Variants in TNRC6C observed in about 807,000 individuals in gnomAD.
TNRC6C encodes the protein trinucleotide repeat containing adaptor 6C.
A neutral mutation model predicts 153.7 loss-of-function variants in TNRC6C; 20 were observed. The ratio of observed to expected loss-of-function variants is 0.13; its 90% CI spans 0.09 to 0.19. The LOEUF (loss-of-function observed/expected upper bound fraction) is 0.19, where lower values mean the gene tolerates loss of function less well. TNRC6C is among the 10% of genes least tolerant of loss of function. The pLI, the probability that TNRC6C is intolerant of heterozygous loss-of-function variation, is 1.00. For missense variants in TNRC6C, 1,987 were observed against 2,172.0 expected (o/e 0.91, Z 1.69); for synonymous variants, 811 against 841.4 (o/e 0.96, Z 0.63).
intron 2 of TNRC6C, among the ~76,000 whole-genome samples, chr17:78,042,666 T>C (rs947963109): frequency 6.6e-5 from 10 of 151,774 alleles, no homozygotes; most frequent in African/African-American, 2.4e-4. Context: ...GTGATGGTGG[T>C]GATGATGATG....
rs528067063 is a variant in TNRC6C at position 78,059,569 on chromosome 17, C to T, written c.2396-5153C>T. ...GACAGTTGAAAATACAGTGTGAGGC[C>T]GGACACAGTGGCTCACGCCTGTAAT... On this transcript the variant is annotated intron_variant, in intron 3 of 19. Coordinates refer to ENST00000301624, the Ensembl canonical transcript of TNRC6C. Among the ~76,000 whole-genome samples the T allele has an allele frequency of 5.4e-4, 82 of 152,238 alleles. 1 individual carries two copies. Among genetic ancestry groups the T allele is most frequent in the African/African-American group, 1.8e-3 (76 of 41,548 alleles).
At position 78,049,149 on chromosome 17, in the gene TNRC6C, A is replaced by G; in HGVS notation, c.87A>G (p.Gln29=). 2 of 1,610,880 alleles carry G rather than the reference A, an allele frequency of 1.2e-6. No homozygotes were observed. Among genetic ancestry groups the G allele is most frequent in the South Asian group, 2.2e-5 (2 of 90,500 alleles). ...ATGGCACCAATGGCGCACTCGTCCA[A>G]AGCCCTTCTAATCAGAGTGCCCTTG... Residue 29 remains glutamine, a synonymous_variant, in exon 3 of 20, where the codon CAA becomes CAG. Transcript: ENST00000301624. The surrounding 1 kb of genome is among the most constrained non-coding windows in gnomAD (Gnocchi z 4.1).
rs186895737 is a variant in TNRC6C at position 78,102,762 on chromosome 17, T to C, written c.4572+218T>C. ...GGGCCTCTTTTAACCATGTTCCTGG[T>C]GAATTGTTTGTTTCCCCACCAGAGG... On this transcript the variant is annotated intron_variant, in intron 18 of 19. Coordinates refer to ENST00000301624, the Ensembl canonical transcript of TNRC6C. The C allele has an allele frequency of 2.8e-4, 147 of 524,000 alleles. No individual in the cohort carries two copies. The African/African-American group carries it at 2.8e-3, about 10-fold the overall frequency. 32.5% of individuals were successfully genotyped at this position (524,000 alleles called of 1,614,324 possible).
intron 17 of TNRC6C, among the ~76,000 whole-genome samples, chr17:78,100,161 G>T (rs908013980): frequency 5.9e-5 from 9 of 152,324 alleles, no homozygotes; most frequent in African/African-American, 1.7e-4. Flanking sequence ...CAGGCACACG[G>T]TGCAAGCTGT....
In TNRC6C at chr17:78,049,034, C is replaced by T. The variant is rs1383636290; in HGVS notation, c.-29C>T. 2 of 1,486,200 alleles carry T rather than the reference C, an allele frequency of 1.3e-6. No individual in the cohort carries two copies. The highest frequency in any genetic ancestry group is 1.8e-6 in the Non-Finnish European group (2 of 1,118,506). 92.1% of individuals were successfully genotyped at this position (1,486,200 alleles called of 1,614,324 possible). Reference sequence around the variant, plus strand: ...GAATGTACTACAGACACTGACTCTGCCTCCAACTGTGGCTCAGAGAACAGT... The same window carrying T: ...GAATGTACTACAGACACTGACTCTGTCTCCAACTGTGGCTCAGAGAACAGT... On this transcript the variant is annotated 5_prime_UTR_variant, in exon 3 of 20. Coordinates refer to ENST00000301624, the Ensembl canonical transcript of TNRC6C. This position sits in a 1 kb window ranked among gnomAD's most constrained non-coding sequence, Gnocchi z 4.1.
chr17:78,035,368 A>C (rs2072159203), intron 2 of TNRC6C, among the ~76,000 whole-genome samples: 1 of 152,220 alleles, frequency 6.6e-6, no homozygotes, highest in South Asian at 2.1e-4. Flanking sequence ...TCATCTTTGA[A>C]ATGAAGAGAT....
intron 1 of TNRC6C, among the ~76,000 whole-genome samples, chr17:77,987,781 G>A (rs2143039169): frequency 6.6e-6 from 1 of 152,250 alleles, no homozygotes; most frequent in South Asian, 2.1e-4. Flanking sequence ...CCGGGTTCAA[G>A]CGATTCTCCT....
exon 20 of TNRC6C, chr17:78,105,381 C>T (rs2073675445): frequency 6.5e-6 from 1 of 152,686 alleles, no homozygotes; most frequent in Non-Finnish European, 1.5e-5. Context: ...CTCTGTTCCC[C>T]TGGATCCGCC....
rs1411809346 is a variant in TNRC6C, at chr17:78,049,999, A to G, written c.937A>G (p.Arg313Gly). Residue 313 changes from arginine (R) to glycine (G), a missense_variant, in exon 3 of 20, where the codon AGG (arginine) becomes GGG (glycine). By Grantham distance (125) the Arg-to-Gly change is moderately radical. Transcript: ENST00000301624. The surrounding 1 kb of genome is among the most constrained non-coding windows in gnomAD (Gnocchi z 4.1). ...TGGTCCTGGAATACTCGCCTGGGGA[A>G]GGGGCAGTGGCAACAATGGCGTTGG... is the stretch of plus-strand genomic sequence containing the variant. 6.2e-7 allele frequency: 1 copy of G among 1,613,926 alleles called. No individual in the cohort carries two copies. Among genetic ancestry groups the G allele is most frequent in the Non-Finnish European group, 8.5e-7 (1 of 1,179,842 alleles).
At chr17:78,006,767 C>G (rs2071523345) in intron 1 of TNRC6C, among the ~76,000 whole-genome samples, 1 of 151,576 alleles carries the variant, frequency 6.6e-6, no homozygotes, top group African/African-American at 2.4e-5. Flanking sequence ...CCACTTTACG[C>G]AGAGCTATCA....
chr17:78,023,942 T>G (rs560550189), intron 1 of TNRC6C, among the ~76,000 whole-genome samples: 22 of 152,048 alleles, frequency 1.4e-4, no homozygotes, highest in South Asian at 1.2e-3. Flanking sequence ...AAACCCCATC[T>G]CTACTAAAAA....
chr17:78,059,492 T>C (rs545759658), intron 3 of TNRC6C, among the ~76,000 whole-genome samples: 16 of 152,288 alleles, frequency 1.1e-4, no homozygotes, highest in Admixed American at 8.5e-4. Flanking sequence ...GAACCCCACA[T>C]GCAAAGGCCT....
chr17:78,055,699 A>G (rs922541403), intron 3 of TNRC6C, among the ~76,000 whole-genome samples: 2 of 152,196 alleles, frequency 1.3e-5, no homozygotes, highest in African/African-American at 4.8e-5. Flanking sequence ...AGTTCAGGCT[A>G]CAGAGGGCCC....
chr17:77,994,580 T>TAA (rs1446319518), intron 1 of TNRC6C, among the ~76,000 whole-genome samples: 1 of 152,230 alleles, frequency 6.6e-6, no homozygotes, highest in African/African-American at 2.4e-5. Context: ...GTAGTTGTTA[T>TAA]ATTGATAACT....
chr17:77,960,438 T>A (rs2070852327), intron 1 of TNRC6C, among the ~76,000 whole-genome samples: 1 of 152,190 alleles, frequency 6.6e-6, no homozygotes, highest in African/African-American at 2.4e-5. Context: ...CGTCCCTGAA[T>A]GTAATTTGAG....
chr17:77,959,977 G>A (rs2070848315), intron 1 of TNRC6C, among the ~76,000 whole-genome samples: 1 of 152,162 alleles, frequency 6.6e-6, no homozygotes, highest in Non-Finnish European at 1.5e-5. Flanking sequence ...TTAACCTGGG[G>A]AAGAAATAAC....
intron 1 of TNRC6C, among the ~76,000 whole-genome samples, chr17:78,008,195 A>G (rs1388768059): frequency 6.6e-6 from 1 of 152,204 alleles, no homozygotes; most frequent in Non-Finnish European, 1.5e-5. Context: ...AACTGGAAAT[A>G]TATGTTTTTT....
intron 17 of TNRC6C, among the ~76,000 whole-genome samples, chr17:78,100,598 T>C (rs1349525629): frequency 1.3e-5 from 2 of 152,186 alleles, no homozygotes; most frequent in Non-Finnish European, 2.9e-5. Flanking sequence ...GAAGCCATTT[T>C]TTCCTTGTAG....
chr17:77,977,781 T>C lies in TNRC6C; in HGVS notation c.-38+18513T>C, dbSNP rs1483917464. On this transcript the variant is annotated intron_variant, in intron 1 of 22. Transcript: ENST00000636222. Reference sequence around the variant, plus strand: ...AACATACCAAAGACACAAAAAATGATAGGCAAATATCTAACTTTAGATTTT... The same window carrying C: ...AACATACCAAAGACACAAAAAATGACAGGCAAATATCTAACTTTAGATTTT... Among the ~76,000 whole-genome samples, 3 of 151,840 alleles carry C rather than the reference T, an allele frequency of 2.0e-5. No homozygotes were observed. The East Asian group carries it at 5.8e-4, about 29-fold the overall frequency.
Sources: gnomAD v4.1 joint callset for allele counts (sites outside exome capture counted in the v4.1 genomes callset) on GRCh38, gnomAD v4.1.1 for gene constraint, Gnocchi (gnomAD v3.1) non-coding constraint, MANE v1.5 for transcripts, NCBI Gene and HGNC (gene_info 2026-07-23, HGNC 2026-07-21) for gene names.